Variants in NEK11 observed in about 807,000 individuals in gnomAD.
NEK11 encodes serine/threonine-protein kinase Nek11.
NEK11 carries 72 observed loss-of-function variants against 80.7 expected under a neutral mutation model. The ratio of observed to expected loss-of-function variants is 0.89; its 90% CI spans 0.74 to 1.08. NEK11 has a LOEUF of 1.08. Ranked by LOEUF, NEK11 falls within the 50% of genes least tolerant of loss-of-function variation. The pLI, the probability that NEK11 is intolerant of heterozygous loss-of-function variation, is 0.00. For missense variants in NEK11, 764 were observed against 763.6 expected, an observed-to-expected ratio of 1.00 and a Z score of -0.01; for synonymous variants, 251 against 260.7, an observed-to-expected ratio of 0.96 and a Z score of 0.36.
chr3:131,169,117 A>T (rs2092495881), intron 13 of NEK11, among the ~76,000 whole-genome samples, 180 bp downstream of exon 13: 1 of 152,224 alleles, frequency 6.6e-6, no homozygotes, highest in Non-Finnish European at 1.5e-5. Flanking sequence ...AAGAAATTAG[A>T]TTAATCAGAT....
chr3:131,032,188 C>T (rs1463891628), intron 3 of NEK11, among the ~76,000 whole-genome samples: 1 of 152,194 alleles, frequency 6.6e-6, no homozygotes, highest in Non-Finnish European at 1.5e-5. Flanking sequence ...TCTTGAACTC[C>T]TGACCTCAGG....
Position 131,168,931 on chromosome 3 carries a change from G to A in NEK11, c.1278G>A (p.Arg426=). 1 of 1,613,168 alleles carries A rather than the reference G, an allele frequency of 6.2e-7. No homozygotes were observed. The highest frequency in any genetic ancestry group is 2.2e-5 in the East Asian group (1 of 44,840). Residue 426 remains arginine, a synonymous_variant, in exon 13 of 18, where the codon AGG becomes AGA. Transcript: ENST00000383366. ...AGGATGAAGAGAGGTGGCAAGGCAGGGAAGAGGCAAGTTTAATCATATTCA... is the reference window on the plus strand; with the variant it reads ...AGGATGAAGAGAGGTGGCAAGGCAGAGAAGAGGCAAGTTTAATCATATTCA... The part of the protein sequence containing the change: ...QDEDEERWQG[R]EEESDEPTLE...
chr3:131,141,044 A>G (rs2086780405), intron 7 of NEK11, among the ~76,000 whole-genome samples: 1 of 152,024 alleles, frequency 6.6e-6, no homozygotes, highest in Non-Finnish European at 1.5e-5. Flanking sequence ...GAAAACAACC[A>G]TGGTATTTAT....
intron 17 of NEK11, among the ~76,000 whole-genome samples, chr3:131,277,043 T>G (rs1049894066): frequency 6.6e-6 from 1 of 152,238 alleles, no homozygotes; most frequent in Non-Finnish European, 1.5e-5. Context: ...GTCTGTTGTT[T>G]CCTCATTATG....
chr3:131,194,357 A>G (rs1318629911), intron 14 of NEK11, among the ~76,000 whole-genome samples: 1 of 152,198 alleles, frequency 6.6e-6, no homozygotes, highest in African/African-American at 2.4e-5. Flanking sequence ...CAGCAATAGT[A>G]TGATGGGCCC....
chr3:131,273,565 G>T lies in NEK11; in HGVS notation c.1709G>T (p.Arg570Leu), dbSNP rs760582540. ...NSVMARTKMK[R>L]MRESAMQKLG... is the part of the protein sequence containing the mutation. ...GTGATGGCCAGGACCAAGATGAAAC[G>T]CATGAGGGAGTAAGTAGCATGTTGC... Residue 570 changes from arginine to leucine, a missense_variant, in exon 17 of 18, where the codon CGC becomes CTC. Transcript: ENST00000383366. 3.0e-5 allele frequency: 49 copies of T among 1,612,850 alleles called. No individual in the cohort carries two copies. In the South Asian group the frequency reaches 4.8e-4, roughly 16 times the overall value.
At chr3:131,064,071 C>A (rs2071415102) in intron 3 of NEK11, among the ~76,000 whole-genome samples, 1 of 152,152 alleles carries the variant, frequency 6.6e-6, no homozygotes, top group Non-Finnish European at 1.5e-5. Context: ...TGGAAGAAGA[C>A]AGTCACAAAA....
chr3:131,077,125 T>C (rs984167095), intron 3 of NEK11, among the ~76,000 whole-genome samples: 1 of 152,182 alleles, frequency 6.6e-6, no homozygotes, highest in Admixed American at 6.5e-5. Flanking sequence ...AAAGAAAGCA[T>C]GTAACTTGGG....
At chr3:131,050,485 A>G (rs778326117) in intron 3 of NEK11, among the ~76,000 whole-genome samples, 5 of 152,244 alleles carry the variant, frequency 3.3e-5, no homozygotes, top group Non-Finnish European at 5.9e-5. Flanking sequence ...GAAAGAATGT[A>G]GGAGACTTTT....
chr3:131,209,661 G>C (rs547334102), intron 14 of NEK11, among the ~76,000 whole-genome samples: 1 of 152,076 alleles, frequency 6.6e-6, no homozygotes, highest in Admixed American at 6.6e-5. Flanking sequence ...TCAATTTCAG[G>C]GTCTGTTATT....
chr3:131,125,525 T>C (rs1373437214), intron 5 of NEK11, among the ~76,000 whole-genome samples: 1 of 152,202 alleles, frequency 6.6e-6, no homozygotes, highest in African/African-American at 2.4e-5. Context: ...TATAAATAAT[T>C]CTTTAGTAAA....
At chr3:131,108,103 G>A (rs1247292484) in intron 4 of NEK11, among the ~76,000 whole-genome samples, 6 of 152,106 alleles carry the variant, frequency 3.9e-5, no homozygotes, top group South Asian at 4.1e-4. Context: ...TCAGGAAACC[G>A]TACTTGAGCT....
chr3:131,153,266 T>C (rs987218770), intron 9 of NEK11, among the ~76,000 whole-genome samples: 12 of 152,194 alleles, frequency 7.9e-5, no homozygotes, highest in African/African-American at 2.9e-4. Flanking sequence ...AGATCTTACC[T>C]GAACACTTTG....
rs368440104 is a variant in NEK11, at chr3:131,091,911, A to T, written c.336+11323A>T. On this transcript the variant is annotated intron_variant, in intron 4 of 17. Transcript: ENST00000383366. ...TAGGATGGACACAAAAGCAAACCAG[A>T]GAAATCATTTGATTAGCTATAGCTA... Among the ~76,000 whole-genome samples, 5 of 152,356 alleles carry T rather than the reference A, an allele frequency of 3.3e-5. No homozygotes were observed. The East Asian group carries it at 9.7e-4, about 29-fold the overall frequency.
chr3:131,206,074 ACACAGAG>A (rs1226812825), intron 14 of NEK11, among the ~76,000 whole-genome samples: 1 of 152,228 alleles, frequency 6.6e-6, no homozygotes, highest in Admixed American at 6.5e-5. Flanking sequence ...TTACAGTATA[ACACAGAG>A]CACCCACATT....
At chr3:131,258,253 A>G (rs1468344263) in intron 16 of NEK11, among the ~76,000 whole-genome samples, 1 of 152,066 alleles carries the variant, frequency 6.6e-6, no homozygotes, top group African/African-American at 2.4e-5. Flanking sequence ...AATCTCAGAA[A>G]CCATCACTAA....
At chr3:131,102,591 CT>C (rs372967109) in intron 4 of NEK11, among the ~76,000 whole-genome samples, 5 of 152,330 alleles carry the variant, frequency 3.3e-5, no homozygotes, top group African/African-American at 1.2e-4. Context: ...TGACTTTTCT[CT>C]CTTCCTTTAA....
At chr3:131,181,618 C>T (rs1325086572) in intron 14 of NEK11, among the ~76,000 whole-genome samples, 4 of 151,716 alleles carry the variant, frequency 2.6e-5, no homozygotes, top group African/African-American at 4.8e-5. Flanking sequence ...TGGTGGCGGG[C>T]GCCTGTAGTC....
At chr3:131,200,690 C>G (rs932027600) in intron 14 of NEK11, among the ~76,000 whole-genome samples, 1 of 152,178 alleles carries the variant, frequency 6.6e-6, no homozygotes, top group African/African-American at 2.4e-5. Flanking sequence ...CTCAAGCCCC[C>G]CTGTAGTTCT....
Sources: gnomAD v4.1 joint callset for allele counts (sites outside exome capture counted in the v4.1 genomes callset) on GRCh38, gnomAD v4.1.1 for gene constraint, MANE v1.5 for transcripts, NCBI Gene and HGNC (gene_info 2026-07-23, HGNC 2026-07-21) for gene names.